The following GJB7 variants were observed in gnomAD, a reference collection of about 807,000 sequenced individuals.
The protein encoded by GJB7 is gap junction beta-7 protein.
For synonymous variants in GJB7, 87 were observed against 95.2 expected, an observed-to-expected ratio of 0.91 and a Z score of 0.50; for missense variants, 253 against 256.8, an observed-to-expected ratio of 0.99 and a Z score of 0.10.
At chr6:87,305,376 C>A (rs1308443215) in intron 2 of GJB7, among the ~76,000 whole-genome samples, 1 of 152,044 alleles carries the variant, frequency 6.6e-6, no homozygotes, top group East Asian at 1.9e-4. Context: ...TTCTTATACA[C>A]CAATAACAGA....
chr6:87,285,881 A>G (rs1490098584), intron 2 of GJB7, among the ~76,000 whole-genome samples: 1 of 152,204 alleles, frequency 6.6e-6, no homozygotes, highest in African/African-American at 2.4e-5. Flanking sequence ...CGTTTATGCT[A>G]AAGTTAGCAC....
rs577398582 is a variant in GJB7 at position 87,303,085 on chromosome 6, A to C, written c.-27-18146T>G. On this transcript the variant is annotated intron_variant, in intron 2 of 2. Transcript: ENST00000525899. ...CACTGCAAAAACATGCCAAATTGTA[A>C]AGACCATCAAGGCTAGGAAGAAACT... Among the ~76,000 whole-genome samples, 5 of 152,342 alleles carry C rather than the reference A, an allele frequency of 3.3e-5. No homozygotes were observed. In the South Asian group the frequency reaches 1.0e-3, roughly 32 times the overall value.
At chr6:87,304,413 T>C (rs1412826828) in intron 2 of GJB7, among the ~76,000 whole-genome samples, 1 of 152,152 alleles carries the variant, frequency 6.6e-6, no homozygotes, top group Non-Finnish European at 1.5e-5. Flanking sequence ...ACAAATAAAC[T>C]AGAAAATCTA....
rs1312326881 is a variant in GJB7 at position 87,296,579 on chromosome 6, G to A, written c.-27-11640C>T. Reference sequence around the variant, plus strand: ...TAATGTGAAGGTATTGGGTAACAGCGTCTGACAGGTAATAGGTATTTAATG... The same window carrying A: ...TAATGTGAAGGTATTGGGTAACAGCATCTGACAGGTAATAGGTATTTAATG... On this transcript the variant is annotated intron_variant, in intron 2 of 2. Coordinates refer to ENST00000525899, the MANE Select transcript of GJB7 (RefSeq NM_198568.3). Among the ~76,000 whole-genome samples the A allele has an allele frequency of 3.3e-5, 5 of 152,260 alleles. No individual in the cohort carries two copies. In the East Asian group the frequency reaches 5.8e-4, roughly 18 times the overall value.
intron 2 of GJB7, among the ~76,000 whole-genome samples, chr6:87,285,724 T>G (rs541202828): frequency 6.6e-6 from 1 of 152,330 alleles, no homozygotes; most frequent in African/African-American, 2.4e-5. Flanking sequence ...GCTTAAGTGT[T>G]GTCCATTTTT....
chr6:87,291,668 G>C (rs137928014), intron 2 of GJB7, among the ~76,000 whole-genome samples: 1 of 152,118 alleles, frequency 6.6e-6, no homozygotes, highest in African/African-American at 2.4e-5. Context: ...ACCTTACTTC[G>C]TGGCAGCTTA....
chr6:87,308,144 C>A (rs1011548912), intron 2 of GJB7, among the ~76,000 whole-genome samples: 1 of 151,686 alleles, frequency 6.6e-6, no homozygotes, highest in Non-Finnish European at 1.5e-5. Flanking sequence ...CCAAACACCG[C>A]ATGTTCTCAC....
At chr6:87,308,994 T>C (rs998332497) in intron 2 of GJB7, among the ~76,000 whole-genome samples, 1 of 152,226 alleles carries the variant, frequency 6.6e-6, no homozygotes, top group Non-Finnish European at 1.5e-5. Flanking sequence ...AAAGATATTA[T>C]GAATCATCTG....
intron 2 of GJB7, among the ~76,000 whole-genome samples, chr6:87,301,569 GGCCT>G (rs1242455731): frequency 6.6e-6 from 1 of 152,200 alleles, no homozygotes; most frequent in East Asian, 1.9e-4. Context: ...AGCTCAAGGA[GGCCT>G]GCCTGCCTGT....
At chr6:87,309,604 G>T (rs1459832459) in intron 2 of GJB7, among the ~76,000 whole-genome samples, 1 of 152,184 alleles carries the variant, frequency 6.6e-6, no homozygotes, top group East Asian at 1.9e-4. Flanking sequence ...GGAAGAGGCT[G>T]ACAAAACCAG....
intron 1 of GJB7, among the ~76,000 whole-genome samples, chr6:87,326,346 T>C (rs1458681519): frequency 6.6e-6 from 1 of 152,222 alleles, no homozygotes; most frequent in African/African-American, 2.4e-5. Context: ...CTAGTTCTCT[T>C]AATTGTGATG....
chr6:87,290,049 C>A (rs1329014162), intron 2 of GJB7, among the ~76,000 whole-genome samples: 1 of 152,206 alleles, frequency 6.6e-6, no homozygotes, highest in Non-Finnish European at 1.5e-5. Flanking sequence ...ACAAAATGCT[C>A]ATCCTTGGGC....
At position 87,305,774 on chromosome 6, in the gene GJB7, C is replaced by G. The variant is rs1776416908; in HGVS notation, c.-28+17092G>C. 2.0e-5 allele frequency among the ~76,000 whole-genome samples: 3 copies of G among 152,322 alleles called. No homozygotes were observed. The South Asian group carries it at 6.2e-4, about 32-fold the overall frequency. On this transcript the variant is annotated intron_variant, in intron 2 of 2. Transcript: ENST00000525899. ...AGGCATCACACTACCTGACTTCAAACTATACTACAAGGCTACGGTAACCAA... is the reference window on the plus strand; with the variant it reads ...AGGCATCACACTACCTGACTTCAAAGTATACTACAAGGCTACGGTAACCAA...
At chr6:87,322,648 G>A (rs1294087111) in intron 2 of GJB7, 1 of 152,344 alleles carries the variant, frequency 6.6e-6, no homozygotes, top group African/African-American at 2.4e-5. Context: ...CGGCGGCTTC[G>A]GTGGTGTTGA....
chr6:87,326,260 A>G (rs1180443515), intron 1 of GJB7, among the ~76,000 whole-genome samples: 1 of 151,742 alleles, frequency 6.6e-6, no homozygotes, highest in Non-Finnish European at 1.5e-5. Context: ...TAATGTCTCT[A>G]TTTCCTTTAG....
In GJB7 at chr6:87,298,840, G is replaced by C; in HGVS notation, c.-27-13901C>G. ...AGGGTACTAGCCCCTTATCTCACAG[G>C]ATTTTGCCAAAGATGTAAAATTTGG... On this transcript the variant is annotated intron_variant, in intron 2 of 2. Transcript: ENST00000525899. The C allele has an allele frequency of 7.9e-6, 3 of 378,898 alleles. No homozygotes were observed. The Admixed American group carries it at 9.5e-5, about 12-fold the overall frequency. The allele number at this position is 378,898 out of a possible 1,614,324, so 23.5% of individuals were successfully genotyped here.
intron 1 of GJB7, among the ~76,000 whole-genome samples, chr6:87,328,146 A>G (rs993480013): frequency 5.9e-5 from 9 of 152,240 alleles, no homozygotes; most frequent in African/African-American, 1.7e-4. Context: ...TATTCTAGTT[A>G]TACATTCTTC....
intron 2 of GJB7, among the ~76,000 whole-genome samples, chr6:87,305,705 G>A (rs1324957876): frequency 6.6e-6 from 1 of 152,158 alleles, no homozygotes; most frequent in Non-Finnish European, 1.5e-5. Context: ...CCAAAAAAGA[G>A]CCAGCATTGC....
At chr6:87,313,194 T>G (rs1261296313) in intron 2 of GJB7, among the ~76,000 whole-genome samples, 1 of 152,094 alleles carries the variant, frequency 6.6e-6, no homozygotes, top group East Asian at 1.9e-4. Flanking sequence ...GAGGAAAACC[T>G]CACAAGTTTT....
Sources: allele counts gnomAD v4.1 joint callset (sites outside exome capture counted in the v4.1 genomes callset), GRCh38; gene constraint gnomAD v4.1.1; transcripts MANE v1.5; gene names NCBI Gene and HGNC (gene_info 2026-07-23, HGNC 2026-07-21).